Variants in BBS1 observed in about 807,000 individuals in gnomAD.
The protein encoded by BBS1 is BBSome complex member BBS1.
In BBS1, 60 loss-of-function variants were observed where a neutral mutation model predicts 73.9. That is an observed-to-expected ratio of 0.81 (90% CI 0.66 to 1.01). BBS1 has a LOEUF of 1.01. Ranked by LOEUF, BBS1 falls within the 50% of genes least tolerant of loss-of-function variation. BBS1 has a pLI of 0.00. For missense variants in BBS1, 718 were observed against 770.3 expected, an observed-to-expected ratio of 0.93 and a Z score of 0.80; for synonymous variants, 283 against 317.4, an observed-to-expected ratio of 0.89 and a Z score of 1.15.
intron 7 of BBS1, 138 bp from the exon 8 acceptor site, chr11:66,519,479 A>T: frequency 8.2e-7 from 1 of 1,226,042 alleles, no homozygotes; most frequent in Non-Finnish European, 1.2e-6. Context: ...ACACCTTTGT[A>T]CTTAAATCTT....
chr11:66,511,995 CAAAA>C (rs796283982), intron 3 of BBS1, among the ~76,000 whole-genome samples: 10 of 121,998 alleles, frequency 8.2e-5, no homozygotes, highest in African/African-American at 3.3e-4. Flanking sequence ...GAGACAGTTT[CAAAA>C]AAAAATATAT....
chr11:66,521,122 C>T, intron 8 of BBS1, 148 bp from the exon 9 acceptor site: 1 of 708,750 alleles, frequency 1.4e-6, no homozygotes. Flanking sequence ...CCCCAAGTTT[C>T]CCTCCTGAAA....
chr11:66,523,925 C>T (rs1389671330), intron 11 of BBS1, 43 bp downstream of exon 11: 2 of 1,609,098 alleles, frequency 1.2e-6, no homozygotes, highest in Non-Finnish European at 1.7e-6. Flanking sequence ...CCTCCTTGCC[C>T]TCGTCTCACC....
intron 11 of BBS1, 106 bp from the exon 12 acceptor site, chr11:66,526,017 C>A: frequency 1.0e-6 from 1 of 959,552 alleles, no homozygotes; most frequent in Non-Finnish European, 1.7e-6. Flanking sequence ...CCAGGCCTGT[C>A]TCTATCACTT....
In BBS1 at chr11:66,515,913, T is replaced by TC; in HGVS notation, c.573dup (p.Asn192GlnfsTer21). ...GGAGGCATTTGTAAACCAACACAAG[T>TC]CCAACTCCATCAAGCGGCAGGTAAT... is the stretch of plus-strand genomic sequence containing the variant. On this transcript the variant is annotated frameshift_variant, in exon 7 of 17. Transcript: ENST00000318312. LOFTEE classifies it high-confidence loss of function. The TC allele has an allele frequency of 6.2e-7, 1 of 1,614,134 alleles. No individual in the cohort carries two copies. Among genetic ancestry groups the TC allele is most frequent in the South Asian group, 1.1e-5 (1 of 91,080 alleles).
rs372170090 is a variant in BBS1 at position 66,526,240 on chromosome 11, G to A, written c.1180+48G>A. ...AGGGCTTTGAAGTCGGGAGTGAAGG[G>A]ACAGGCCTGCTTCTGGGGAAAGAGG... is the stretch of plus-strand genomic sequence containing the variant. On this transcript the variant is annotated intron_variant, in intron 12 of 16. Transcript: ENST00000318312. The A allele has an allele frequency of 1.9e-6, 3 of 1,562,384 alleles. No individual in the cohort carries two copies. The African/African-American group carries it at 4.1e-5, about 21-fold the overall frequency.
chr11:66,512,030 A>ATGTATATATATGTATATGTATATATATG lies in BBS1; in HGVS notation c.159+808_159+809insGTATATATATGTGTATATATATGTATAT, dbSNP rs1565280737. Among the ~76,000 whole-genome samples the ATGTATATATATGTATATGTATATATATG allele has an allele frequency of 1.4e-3, 206 of 144,576 alleles. 1 individual carries two copies. The highest frequency in any genetic ancestry group is 5.0e-3 in the African/African-American group (194 of 38,822). 94.8% of individuals were successfully genotyped at this position (144,576 alleles called of 152,430 possible). On this transcript the variant is annotated intron_variant, in intron 3 of 16. Transcript: ENST00000318312. ...TATATATATATATATGTGTATATAT[A>ATGTATATATATGTATATGTATATATATG]TGTATATATATGTATATATATGTGT...
chr11:66,521,735 G>A (rs1303964741), intron 9 of BBS1: 20 of 322,870 alleles, frequency 6.2e-5, no homozygotes, highest in South Asian at 1.9e-4. Context: ...GTGAAACCCC[G>A]TCTCTACTAA....
At chr11:66,530,575 T>C (rs1856733363) in intron 14 of BBS1, among the ~76,000 whole-genome samples, 1 of 151,038 alleles carries the variant, frequency 6.6e-6, no homozygotes, top group Middle Eastern at 3.4e-3. Context: ...AGGAGAAAAA[T>C]GAACTGATCA....
chr11:66,510,679 C>T lies in BBS1; in HGVS notation c.20C>T (p.Ser7Leu). The change falls in exon 1 of 17, where the codon TCG becomes TTG. Residue 7 changes from serine to leucine, a missense_variant. Transcript: ENST00000318312. The part of the protein sequence containing the change: MAAASS[S>L]DSDACGAESN... ...GCGAAGATGGCCGCTGCGTCCTCAT[C>T]GGATTCCGACGCCTGCGGAGCTGAG... 6.2e-7 allele frequency: 1 copy of T among 1,614,194 alleles called. No individual in the cohort carries two copies. Among genetic ancestry groups the T allele is most frequent in the Non-Finnish European group, 8.5e-7 (1 of 1,180,032 alleles).
chr11:66,512,929 G>A (rs1329231075), intron 3 of BBS1, among the ~76,000 whole-genome samples: 2 of 151,646 alleles, frequency 1.3e-5, no homozygotes, highest in Non-Finnish European at 2.9e-5. Context: ...CCGAAATCAC[G>A]CCATCGCACT....
chr11:66,526,714 G>T lies in BBS1; in HGVS notation c.1246G>T (p.Gly416Cys), dbSNP rs202201758. The T allele has an allele frequency of 4.2e-5, 67 of 1,614,016 alleles. No homozygotes were observed. The highest frequency in any genetic ancestry group is 5.6e-5 in the Non-Finnish European group (66 of 1,180,038). Residue 416 changes from glycine (G) to cysteine (C), a missense_variant, in exon 13 of 17, where the codon GGT becomes TGT. By Grantham distance (159) the Gly-to-Cys change is radical. Transcript: ENST00000318312. ...AVFVEGGSEVGPPPAQAMKLN... is the reference protein window; with the variant it reads ...AVFVEGGSEVCPPPAQAMKLN... ...GTTTGTAGAGGGAGGAAGTGAGGTG[G>T]GTCCCCCACCAGCCCAGGCCATGAA...
intron 13 of BBS1, chr11:66,529,190 G>A (rs1555049718): frequency 1.4e-6 from 2 of 1,463,076 alleles, no homozygotes; most frequent in Non-Finnish European, 9.0e-7. Context: ...GGACAGTGGG[G>A]TGGGGGCGGG....
chr11:66,516,509 C>T (rs193064450), intron 7 of BBS1, among the ~76,000 whole-genome samples: 3 of 151,956 alleles, frequency 2.0e-5, no homozygotes, highest in Non-Finnish European at 4.4e-5. Context: ...TGTAAGCTTT[C>T]GCCTTCCATT....
rs1026788634 is a variant in BBS1 at position 66,519,832 on chromosome 11, T to C, written c.723+84T>C. On this transcript the variant is annotated intron_variant, in intron 8 of 16. Transcript: ENST00000318312. ...GCTCCACAGTTAGTTCTGGGTAATA[T>C]ATATGTTCCTTGTAGAAAAATTAGA... 7 of 1,544,634 alleles carry C rather than the reference T, an allele frequency of 4.5e-6. No individual in the cohort carries two copies. The African/African-American group carries it at 6.8e-5, about 15-fold the overall frequency.
chr11:66,516,016 A>T, intron 7 of BBS1, 83 bp downstream of exon 7: 3 of 1,384,428 alleles, frequency 2.2e-6, no homozygotes, highest in Non-Finnish European at 3.1e-6. Flanking sequence ...GGTAAATTCT[A>T]TAAGCAAACC....
chr11:66,526,148 G>A lies in BBS1; in HGVS notation c.1136G>A (p.Gly379Asp). Reference sequence around the variant, plus strand: ...GATGCAGTGACCAGCCTTTGCTTTGGCCGGTACGGGCGGGAGGACAACACC... The same window carrying A: ...GATGCAGTGACCAGCCTTTGCTTTGACCGGTACGGGCGGGAGGACAACACC... ...TPDAVTSLCFGRYGREDNTLI... is the reference protein window; with the variant it reads ...TPDAVTSLCFDRYGREDNTLI... Residue 379 changes from glycine to aspartate, a missense_variant, in exon 12 of 17, where the codon GGC becomes GAC. Gly to Asp is a moderately conservative substitution (Grantham distance 94). Transcript: ENST00000318312. 1 of 1,614,192 alleles carries A rather than the reference G, an allele frequency of 6.2e-7. No individual in the cohort carries two copies. Among genetic ancestry groups the A allele is most frequent in the South Asian group, 1.1e-5 (1 of 91,090 alleles).
rs768172369 is a variant in BBS1 at position 66,529,939 on chromosome 11, A to G, written c.1460A>G (p.Lys487Arg). The G allele has an allele frequency of 1.2e-6, 2 of 1,603,504 alleles. No individual in the cohort carries two copies. Among genetic ancestry groups the G allele is most frequent in the South Asian group, 2.2e-5 (2 of 90,832 alleles). ...PLSTTAREPLKLHAVVQGLGP... is the reference protein window; with the variant it reads ...PLSTTAREPLRLHAVVQGLGP... ...TCCACGACAGCCCGAGAGCCACTCAAGCTGCACGCCGTGGTGAGCATCTGG... is the reference window on the plus strand; with the variant it reads ...TCCACGACAGCCCGAGAGCCACTCAGGCTGCACGCCGTGGTGAGCATCTGG... Residue 487 changes from lysine to arginine, a missense_variant, in exon 14 of 17, where the codon AAG becomes AGG. Coordinates refer to ENST00000318312, the MANE Select transcript of BBS1 (RefSeq NM_024649.5).
chr11:66,519,477 G>A, intron 7 of BBS1, 140 bp from the exon 8 acceptor site: 1 of 1,211,904 alleles, frequency 8.3e-7, no homozygotes, highest in Non-Finnish European at 1.2e-6. Context: ...AAACACCTTT[G>A]TACTTAAATC....
Sources: gnomAD v4.1 joint callset for allele counts (sites outside exome capture counted in the v4.1 genomes callset) on GRCh38, gnomAD v4.1.1 for gene constraint, MANE v1.5 for transcripts, NCBI Gene and HGNC (gene_info 2026-07-23, HGNC 2026-07-21) for gene names.